KIZ: variants seen among roughly 807,000 people sequenced by gnomAD.
KIZ encodes kizuna centrosomal protein.
A neutral mutation model predicts 79.6 loss-of-function variants in KIZ; 68 were observed. The observed-to-expected ratio is 0.85, with a 90% CI of 0.70 to 1.05. KIZ has a LOEUF of 1.05. Ranked by LOEUF, KIZ falls within the 50% of genes least tolerant of loss-of-function variation. The pLI is 0.00. For missense variants in KIZ, 797 were observed against 800.4 expected, an observed-to-expected ratio of 1.00 and a Z score of 0.05; for synonymous variants, 280 against 281.8, an observed-to-expected ratio of 0.99 and a Z score of 0.06.
chr20:21,153,501 C>T (rs1296562270), intron 4 of KIZ, among the ~76,000 whole-genome samples: 1 of 151,818 alleles, frequency 6.6e-6, no homozygotes, highest in African/African-American at 2.4e-5. Context: ...AGATATCTCT[C>T]GATGGTCTAA....
At chr20:21,152,151 G>A (rs1251758679) in intron 4 of KIZ, among the ~76,000 whole-genome samples, 2 of 152,184 alleles carry the variant, frequency 1.3e-5, no homozygotes, top group Non-Finnish European at 2.9e-5. Context: ...TTGAAGGAAG[G>A]TGTGAATAGG....
intron 6 of KIZ, among the ~76,000 whole-genome samples, chr20:21,181,831 G>A (rs1344534037): frequency 2.0e-5 from 3 of 152,212 alleles, no homozygotes; most frequent in Non-Finnish European, 2.9e-5. Context: ...ATATCAGGAT[G>A]CTGTTGGTTG....
Position 21,173,497 on chromosome 20 carries a change from G to T in KIZ, c.1352+10338G>T, listed in dbSNP as rs1345650614. Among the ~76,000 whole-genome samples the T allele has an allele frequency of 4.0e-5, 6 of 149,114 alleles. No individual in the cohort carries two copies. The East Asian group carries it at 1.2e-3, about 30-fold the overall frequency. Reference sequence around the variant, plus strand: ...GGAGGCTGAGCCAGGAGAATTGCTTGAACCTGGGAAGTGGAGGTTGCAGTG... The same window carrying T: ...GGAGGCTGAGCCAGGAGAATTGCTTTAACCTGGGAAGTGGAGGTTGCAGTG... On this transcript the variant is annotated intron_variant, in intron 6 of 12. Transcript: ENST00000619189.
intron 8 of KIZ, 59 bp downstream of exon 8, chr20:21,214,759 T>C: frequency 9.1e-7 from 1 of 1,098,054 alleles, no homozygotes; most frequent in Non-Finnish European, 1.4e-6. Flanking sequence ...ATCATCATCT[T>C]TCTCAAGGTA....
At chr20:21,171,086 T>C (rs942593818) in intron 6 of KIZ, among the ~76,000 whole-genome samples, 6 of 152,250 alleles carry the variant, frequency 3.9e-5, no homozygotes, top group Non-Finnish European at 5.9e-5. Flanking sequence ...GTTCTACATC[T>C]TGTCAGCATT....
intron 4 of KIZ, among the ~76,000 whole-genome samples, chr20:21,149,291 A>T (rs939156458): frequency 1.3e-5 from 2 of 152,276 alleles, no homozygotes; most frequent in Non-Finnish European, 2.9e-5. Context: ...AATAAAAACA[A>T]CTTTAAATAC....
chr20:21,201,159 A>G (rs1407066998), intron 6 of KIZ, among the ~76,000 whole-genome samples: 1 of 152,200 alleles, frequency 6.6e-6, no homozygotes, highest in African/African-American at 2.4e-5. Context: ...AGCCTGGGTG[A>G]CACAGCAAGA....
At chr20:21,207,448 C>A (rs1022851134) in intron 7 of KIZ, among the ~76,000 whole-genome samples, 2 of 129,358 alleles carry the variant, frequency 1.5e-5, no homozygotes, top group Non-Finnish European at 3.2e-5. Context: ...TCATCTTCCT[C>A]CTTTCCCCCA....
intron 7 of KIZ, among the ~76,000 whole-genome samples, chr20:21,205,810 A>G (rs1310412509): frequency 6.6e-6 from 1 of 151,988 alleles, no homozygotes; most frequent in East Asian, 1.9e-4. Flanking sequence ...AAAGTACAAA[A>G]ATTAGCTGGA....
intron 2 of KIZ, among the ~76,000 whole-genome samples, chr20:21,135,362 T>C (rs59651235): frequency 0.016 from 2,455 of 152,296 alleles, 66 homozygotes; most frequent in African/African-American, 0.056. Flanking sequence ...TACAGTTACT[T>C]GCGTCAAAAA....
intron 4 of KIZ, chr20:21,150,735 T>G (rs535780319): frequency 5.9e-5 from 9 of 152,284 alleles, no homozygotes; most frequent in African/African-American, 2.2e-4. Context: ...CATGCTCTTC[T>G]CTCCCAGCTC....
Position 21,132,473 on chromosome 20 carries a change from G to A in KIZ, c.152+314G>A, listed in dbSNP as rs186545378. ...TTTTTCTATTTTTAGTAGAGACTGG[G>A]TTTCACCATGCTGGCCAGGCTGGTC... is the stretch of plus-strand genomic sequence containing the variant. On this transcript the variant is annotated intron_variant, in intron 2 of 12. Coordinates refer to ENST00000619189, the MANE Select transcript of KIZ (RefSeq NM_018474.6). Among the ~76,000 whole-genome samples, 974 of 152,170 alleles carry A rather than the reference G, an allele frequency of 6.4e-3. 2 individuals carry two copies. Among genetic ancestry groups the A allele is most frequent in the Non-Finnish European group, 0.011 (741 of 67,988 alleles).
At chr20:21,136,749 G>C (rs969396883) in intron 3 of KIZ, among the ~76,000 whole-genome samples, 197 bp downstream of exon 3, 6 of 151,966 alleles carry the variant, frequency 3.9e-5, no homozygotes, top group African/African-American at 1.2e-4. Context: ...CCGAGTAGCT[G>C]GGATTACAGA....
chr20:21,186,071 G>A (rs2034866175), intron 6 of KIZ, among the ~76,000 whole-genome samples: 1 of 152,032 alleles, frequency 6.6e-6, no homozygotes, highest in Admixed American at 6.6e-5. Flanking sequence ...CTTAAATCAT[G>A]GACGTATGTG....
intron 6 of KIZ, among the ~76,000 whole-genome samples, chr20:21,192,114 T>G (rs2035133503): frequency 1.3e-5 from 2 of 151,960 alleles, no homozygotes; most frequent in African/African-American, 4.8e-5. Context: ...GAAGTTGAGT[T>G]TCCTAGCCAG....
At chr20:21,155,294 A>G (rs2033322595) in intron 4 of KIZ, among the ~76,000 whole-genome samples, 1 of 152,200 alleles carries the variant, frequency 6.6e-6, no homozygotes, top group South Asian at 2.1e-4. Context: ...TGAATGGATA[A>G]ACAAACTACA....
At chr20:21,230,987 G>T (rs1273507893) in intron 10 of KIZ, among the ~76,000 whole-genome samples, 2 of 152,174 alleles carry the variant, frequency 1.3e-5, no homozygotes, top group African/African-American at 4.8e-5. Flanking sequence ...GACTCCACAC[G>T]TCTGTTTCTG....
intron 3 of KIZ, among the ~76,000 whole-genome samples, chr20:21,141,178 T>A (rs997710052): frequency 6.6e-6 from 1 of 152,140 alleles, no homozygotes; most frequent in Admixed American, 6.5e-5. Context: ...GCAGTTTCAC[T>A]CAGGTCCCCA....
chr20:21,207,824 C>T (rs993520983), intron 7 of KIZ, among the ~76,000 whole-genome samples: 6 of 152,114 alleles, frequency 3.9e-5, no homozygotes, highest in Non-Finnish European at 7.3e-5. Context: ...AATTCTCCTG[C>T]CTCAGCCTCC....
Sources: gnomAD v4.1 joint callset for allele counts (sites outside exome capture counted in the v4.1 genomes callset) on GRCh38, gnomAD v4.1.1 for gene constraint, MANE v1.5 for transcripts, NCBI Gene and HGNC (gene_info 2026-07-23, HGNC 2026-07-21) for gene names.